Variants in TOM1L2 observed in about 807,000 individuals in gnomAD.
TOM1L2 encodes the protein TOM1-like protein 2.
TOM1L2 carries 31 observed loss-of-function variants against 67.9 expected under a neutral mutation model. The ratio of observed to expected loss-of-function variants is 0.46; its 90% CI spans 0.34 to 0.62. The LOEUF (loss-of-function observed/expected upper bound fraction) is 0.62. TOM1L2 is among the 20% of genes least tolerant of loss of function. The probability of loss-of-function intolerance (pLI) is 0.01; values close to 1 mark genes in which losing one functional copy is unlikely to be tolerated. For synonymous variants in TOM1L2, 256 were observed against 254.0 expected (o/e 1.01, Z -0.07); for missense variants, 606 against 663.5 (o/e 0.91, Z 0.95).
chr17:17,915,589 C>T (rs1244177780), intron 1 of TOM1L2, among the ~76,000 whole-genome samples: 2 of 151,992 alleles, frequency 1.3e-5, no homozygotes, highest in African/African-American at 2.4e-5. Flanking sequence ...CAGCATAGCT[C>T]ATTGCAACCT....
At chr17:17,941,745 T>A (rs1484366305) in intron 1 of TOM1L2, among the ~76,000 whole-genome samples, 4 of 152,232 alleles carry the variant, frequency 2.6e-5, no homozygotes, top group Non-Finnish European at 4.4e-5. Context: ...AATGGATACA[T>A]AAGCCCTGTC....
At chr17:17,928,618 C>T (rs1277536669) in intron 1 of TOM1L2, among the ~76,000 whole-genome samples, 1 of 152,234 alleles carries the variant, frequency 6.6e-6, no homozygotes, top group East Asian at 1.9e-4. Context: ...TAATTGCACT[C>T]TTCTGGGATC....
chr17:17,850,717 C>T (rs1404823554), intron 13 of TOM1L2, among the ~76,000 whole-genome samples, 176 bp downstream of exon 13: 1 of 152,218 alleles, frequency 6.6e-6, no homozygotes, highest in Non-Finnish European at 1.5e-5. Flanking sequence ...ACTGCAGCAC[C>T]CACAGCTATG....
rs137936959 is a variant in TOM1L2, at chr17:17,860,948, C to G, written c.1278+528G>C. Among the ~76,000 whole-genome samples the G allele has an allele frequency of 7.7e-3, 1,177 of 152,300 alleles. 11 individuals are homozygous for G. The highest frequency in any genetic ancestry group is 0.013 in the Non-Finnish European group (856 of 68,026). ...AGCTCTGTAAACAAACCCTGGCTCT[C>G]GAGTGCCTTCTAATGGGGTTGGTAC... On this transcript the variant is annotated intron_variant, in intron 12 of 14. Coordinates refer to ENST00000379504, the MANE Select transcript of TOM1L2 (RefSeq NM_001082968.2).
intron 1 of TOM1L2, among the ~76,000 whole-genome samples, chr17:17,907,939 C>T (rs2039171035): frequency 6.6e-6 from 1 of 152,148 alleles, no homozygotes. Flanking sequence ...AACAACAGCA[C>T]TTACCTGATA....
At chr17:17,848,044 A>G (rs907587885) in intron 14 of TOM1L2, among the ~76,000 whole-genome samples, 1 of 152,152 alleles carries the variant, frequency 6.6e-6, no homozygotes, top group African/African-American at 2.4e-5. Flanking sequence ...CCAGATCAGC[A>G]CTGGGTTTTG....
At chr17:17,851,355 C>T (rs1438435765) in intron 12 of TOM1L2, 3 of 296,004 alleles carry the variant, frequency 1.0e-5, no homozygotes, top group South Asian at 3.0e-5. Context: ...TATGACAGTC[C>T]GCTGTCAAGC....
chr17:17,965,335 C>T (rs533761273), intron 1 of TOM1L2, among the ~76,000 whole-genome samples: 2 of 152,162 alleles, frequency 1.3e-5, no homozygotes, highest in Admixed American at 6.5e-5. Flanking sequence ...AGTCTCACCC[C>T]CTATCACTCC....
chr17:17,851,122 G>A (rs907293385), intron 12 of TOM1L2, 170 bp from the exon 13 acceptor site: 5 of 646,906 alleles, frequency 7.7e-6, no homozygotes, highest in Admixed American at 2.4e-5. Context: ...GGGCAGCCAC[G>A]TGTGAGATGG....
chr17:17,951,849 C>T (rs2144904918), intron 1 of TOM1L2, among the ~76,000 whole-genome samples: 1 of 152,300 alleles, frequency 6.6e-6, no homozygotes, highest in Non-Finnish European at 1.5e-5. Context: ...GCCTTTTCCC[C>T]TCCTCAGATG....
At chr17:17,945,218 A>T (rs2040889979) in intron 1 of TOM1L2, among the ~76,000 whole-genome samples, 1 of 152,124 alleles carries the variant, frequency 6.6e-6, no homozygotes, top group East Asian at 1.9e-4. Flanking sequence ...AGGACCAACA[A>T]GGTTAAAAAT....
At chr17:17,847,817 G>A (rs1296358508) in intron 14 of TOM1L2, 34 bp from the exon 15 acceptor site, 1 of 1,613,210 alleles carries the variant, frequency 6.2e-7, no homozygotes, top group African/African-American at 1.3e-5. Flanking sequence ...GTCAGGGTTG[G>A]TGAGGGCAGG....
In TOM1L2 at chr17:17,844,313, C is replaced by T. The variant is rs2035534970; in HGVS notation, c.*3322G>A. 6.6e-6 allele frequency: 1 copy of T among 152,294 alleles called. No homozygotes were observed. Among genetic ancestry groups the T allele is most frequent in the Admixed American group, 6.5e-5 (1 of 15,284 alleles). 9.4% of individuals were successfully genotyped at this position (152,294 alleles called of 1,614,324 possible). A position where few individuals can be genotyped will look rare whatever the true frequency, so the allele number is the denominator to read the frequency against. Reference sequence around the variant, plus strand: ...AGCGTGAGCATCGGCAGCAGCTGCCCTGCGAGCATCTGTTGCCCTTGGGCC... The same window carrying T: ...AGCGTGAGCATCGGCAGCAGCTGCCTTGCGAGCATCTGTTGCCCTTGGGCC... On this transcript the variant is annotated 3_prime_UTR_variant, in exon 15 of 15. Transcript: ENST00000379504.
intron 7 of TOM1L2, among the ~76,000 whole-genome samples, chr17:17,877,707 G>A (rs1449621020): frequency 1.3e-5 from 2 of 152,152 alleles, no homozygotes; most frequent in African/African-American, 2.4e-5. Flanking sequence ...CACTGGCACC[G>A]AGAGTCATTC....
chr17:17,945,876 G>C (rs538240720), intron 1 of TOM1L2, among the ~76,000 whole-genome samples: 1 of 151,996 alleles, frequency 6.6e-6, no homozygotes, highest in Non-Finnish European at 1.5e-5. Context: ...TTTTAAAAAA[G>C]ATGTCTATTT....
chr17:17,904,228 C>A (rs1157267987), intron 2 of TOM1L2, among the ~76,000 whole-genome samples: 1 of 152,138 alleles, frequency 6.6e-6, no homozygotes, highest in Non-Finnish European at 1.5e-5. Context: ...GCAACAGGAG[C>A]TTTAGCCACT....
intron 1 of TOM1L2, among the ~76,000 whole-genome samples, chr17:17,913,643 G>T (rs907006882): frequency 2.6e-5 from 4 of 152,092 alleles, no homozygotes; most frequent in African/African-American, 4.8e-5. Context: ...ATTCTTTTTG[G>T]GTTGGTTCTT....
chr17:17,922,010 C>T (rs2039896428), intron 1 of TOM1L2, among the ~76,000 whole-genome samples: 1 of 152,144 alleles, frequency 6.6e-6, no homozygotes, highest in Non-Finnish European at 1.5e-5. Context: ...GAATGCCACT[C>T]CTTGGGAAGG....
chr17:17,945,711 C>T (rs1426648716), intron 1 of TOM1L2, among the ~76,000 whole-genome samples: 4 of 152,050 alleles, frequency 2.6e-5, no homozygotes, highest in African/African-American at 7.3e-5. Flanking sequence ...TTCAGCACCA[C>T]ATAAAACTGG....
Sources: gnomAD v4.1 joint callset for allele counts (sites outside exome capture counted in the v4.1 genomes callset) on GRCh38, gnomAD v4.1.1 for gene constraint, MANE v1.5 for transcripts, NCBI Gene and HGNC (gene_info 2026-07-23, HGNC 2026-07-21) for gene names.